The following THSD4 variants were observed in gnomAD, a reference collection of about 807,000 sequenced individuals.
THSD4 encodes thrombospondin type 1 domain containing 4.
A neutral mutation model predicts 119.0 loss-of-function variants in THSD4; 69 were observed. That is an observed-to-expected ratio of 0.58 (90% CI 0.48 to 0.71). THSD4 has a LOEUF of 0.71. Among genes scored for constraint, THSD4 ranks in the 30% least tolerant of loss-of-function variants. THSD4 has a pLI of 0.00. For missense variants in THSD4, 1,393 were observed against 1,391.1 expected (o/e 1.00, Z -0.02); for synonymous variants, 524 against 540.4 (o/e 0.97, Z 0.42).
chr15:71,258,240 G>A (rs766386087), intron 6 of THSD4, among the ~76,000 whole-genome samples: 32 of 152,114 alleles, frequency 2.1e-4, no homozygotes, highest in Non-Finnish European at 2.9e-4. Flanking sequence ...GTGCGGTGGC[G>A]TGATCTCAGC....
intron 5 of THSD4, among the ~76,000 whole-genome samples, chr15:71,254,771 G>T (rs1289035748): frequency 6.6e-6 from 1 of 152,114 alleles, no homozygotes; most frequent in Non-Finnish European, 1.5e-5. Flanking sequence ...CCAGCTTTAG[G>T]GTTGCCAGCA....
chr15:71,766,660 A>G (rs1463517636), intron 16 of THSD4: 1 of 152,184 alleles, frequency 6.6e-6, no homozygotes, highest in Non-Finnish European at 1.5e-5. Flanking sequence ...TGAGGATACA[A>G]TAACAGATCG....
chr15:71,304,802 C>A (rs560271530), intron 6 of THSD4, among the ~76,000 whole-genome samples: 1 of 152,300 alleles, frequency 6.6e-6, no homozygotes, highest in South Asian at 2.1e-4. Context: ...AACTCCCTAA[C>A]AGACTTGCAG....
In THSD4 at chr15:71,777,797, C is replaced by T. The variant is rs1340073258; in HGVS notation, c.*423C>T. 1 of 192,790 alleles carries T rather than the reference C, an allele frequency of 5.2e-6. No homozygotes were observed. Among genetic ancestry groups the T allele is most frequent in the East Asian group, 1.1e-4 (1 of 8,696 alleles). The allele number at this position is 192,790 out of a possible 1,614,324, so 11.9% of individuals were successfully genotyped here. On this transcript the variant is annotated 3_prime_UTR_variant, in exon 18 of 18. Transcript: ENST00000261862. Reference sequence around the variant, plus strand: ...CTGGAGAGTCCAAGGAGGCAGCGCCCCCAACCCAGCGCCCCACTAAGCCTT... The same window carrying T: ...CTGGAGAGTCCAAGGAGGCAGCGCCTCCAACCCAGCGCCCCACTAAGCCTT...
Position 71,412,391 on chromosome 15 carries a change from C to G in THSD4, c.1152+568C>G, listed in dbSNP as rs149518379. Among the ~76,000 whole-genome samples the G allele has an allele frequency of 5.5e-3, 831 of 152,308 alleles. 6 individuals carry two copies. Among genetic ancestry groups the G allele is most frequent in the Non-Finnish European group, 6.0e-3 (406 of 68,020 alleles). Reference sequence around the variant, plus strand: ...CAAACATTCTGGGCTTCAGAGAATCCTTGTGGGATGCTCAGTGTTGACAGA... The same window carrying G: ...CAAACATTCTGGGCTTCAGAGAATCGTTGTGGGATGCTCAGTGTTGACAGA... On this transcript the variant is annotated intron_variant, in intron 7 of 17. Transcript: ENST00000261862.
chr15:71,517,434 T>A (rs1470458750), intron 7 of THSD4, among the ~76,000 whole-genome samples: 1 of 152,228 alleles, frequency 6.6e-6, no homozygotes, highest in Non-Finnish European at 1.5e-5. Context: ...GTCCTTTCTC[T>A]CCCTTTCTGC....
intron 4 of THSD4, among the ~76,000 whole-genome samples, chr15:71,226,160 A>G (rs547356311): frequency 1.3e-5 from 2 of 152,268 alleles, no homozygotes; most frequent in East Asian, 3.9e-4. Context: ...GAATAATTAT[A>G]TGTCCTCTGC....
chr15:71,461,792 GTTTTT>G (rs61134274), intron 7 of THSD4, among the ~76,000 whole-genome samples: 23,278 of 144,386 alleles, frequency 0.16, 2,266 homozygotes, highest in East Asian at 0.3. Context: ...GCACTGTCAG[GTTTTT>G]TTTTTTTTTT....
At chr15:71,496,968 C>T (rs1253425667) in intron 7 of THSD4, among the ~76,000 whole-genome samples, 1 of 152,146 alleles carries the variant, frequency 6.6e-6, no homozygotes, top group Non-Finnish European at 1.5e-5. Context: ...GAATTAATTA[C>T]CAGCCAGAGA....
At chr15:71,195,425 T>C (rs2043710946) in intron 3 of THSD4, among the ~76,000 whole-genome samples, 1 of 152,146 alleles carries the variant, frequency 6.6e-6, no homozygotes, top group Non-Finnish European at 1.5e-5. Flanking sequence ...ACATTTATCT[T>C]GTCACTAGAA....
chr15:71,318,080 G>A (rs2045216124), intron 6 of THSD4, among the ~76,000 whole-genome samples: 1 of 152,166 alleles, frequency 6.6e-6, no homozygotes, highest in South Asian at 2.1e-4. Flanking sequence ...GGGCAGTAGG[G>A]AAGGGAGGAA....
intron 4 of THSD4, among the ~76,000 whole-genome samples, chr15:71,235,797 G>A (rs1364899599): frequency 6.6e-6 from 1 of 152,042 alleles, no homozygotes. Context: ...TGCCATGTTG[G>A]CCAGGCTGGT....
At chr15:71,490,412 TAGCC>T (rs2047897558) in intron 7 of THSD4, among the ~76,000 whole-genome samples, 2 of 151,986 alleles carry the variant, frequency 1.3e-5, no homozygotes, top group South Asian at 4.2e-4. Context: ...TACGAAAAAT[TAGCC>T]AGGCCTGGTG....
At chr15:71,218,300 A>G (rs1398090053) in intron 4 of THSD4, among the ~76,000 whole-genome samples, 1 of 152,208 alleles carries the variant, frequency 6.6e-6, no homozygotes, top group Admixed American at 6.5e-5. Flanking sequence ...AGATCCCTGC[A>G]GTACTCATCC....
intron 7 of THSD4, among the ~76,000 whole-genome samples, chr15:71,550,209 C>G (rs990432917): frequency 6.6e-6 from 1 of 152,152 alleles, no homozygotes; most frequent in South Asian, 2.1e-4. Context: ...GCGTGGGGAG[C>G]GTGCCAACGT....
At chr15:71,286,373 C>T (rs2044718319) in intron 6 of THSD4, among the ~76,000 whole-genome samples, 1 of 152,186 alleles carries the variant, frequency 6.6e-6, no homozygotes, top group African/African-American at 2.4e-5. Context: ...CATGTGTTCT[C>T]ATAATTTAGC....
chr15:71,323,964 C>T (rs974934606), intron 6 of THSD4, among the ~76,000 whole-genome samples: 14 of 152,060 alleles, frequency 9.2e-5, no homozygotes, highest in African/African-American at 3.4e-4. Flanking sequence ...TCGTGTTGCA[C>T]CTCTGTAACT....
At chr15:71,568,560 CTT>C (rs1386880915) in intron 7 of THSD4, among the ~76,000 whole-genome samples, 1 of 91,642 alleles carries the variant, frequency 1.1e-5, no homozygotes, top group African/African-American at 3.2e-5. Flanking sequence ...ACTCTTACCT[CTT>C]TTTCTCTTTT....
At chr15:71,521,747 C>G (rs2048444313) in intron 7 of THSD4, among the ~76,000 whole-genome samples, 2 of 152,044 alleles carry the variant, frequency 1.3e-5, no homozygotes, top group South Asian at 4.2e-4. Flanking sequence ...TTTTGCTGTC[C>G]CTAAATGTTC....
Sources: allele counts gnomAD v4.1 joint callset (sites outside exome capture counted in the v4.1 genomes callset), GRCh38; gene constraint gnomAD v4.1.1; transcripts MANE v1.5; gene names NCBI Gene and HGNC (gene_info 2026-07-23, HGNC 2026-07-21).